LARP1: variants seen among roughly 807,000 people sequenced by gnomAD.
LARP1 encodes the protein la-related protein 1.
A neutral mutation model predicts 122.7 loss-of-function variants in LARP1; 36 were observed. That is an observed-to-expected ratio of 0.29 (90% CI 0.22 to 0.39). LARP1 has a LOEUF of 0.39. LARP1 is among the 10% of genes least tolerant of loss of function. The pLI is 1.00. For synonymous variants in LARP1, 539 were observed against 528.7 expected (o/e 1.02, Z -0.27); for missense variants, 1,040 against 1,403.6 (o/e 0.74, Z 4.14).
chr5:154,694,864 T>C (rs555422940), intron 1 of LARP1, among the ~76,000 whole-genome samples: 1 of 152,220 alleles, frequency 6.6e-6, no homozygotes, highest in East Asian at 1.9e-4. Context: ...TTTTCTGATA[T>C]TTTCAAAAGA....
intron 16 of LARP1, among the ~76,000 whole-genome samples, chr5:154,809,546 A>G (rs947760697): frequency 2.0e-5 from 3 of 152,082 alleles, no homozygotes; most frequent in Non-Finnish European, 2.9e-5. Flanking sequence ...CAGACTTTGT[A>G]TGCATGTGTA....
chr5:154,722,511 C>G (rs780584792), intron 1 of LARP1, among the ~76,000 whole-genome samples: 2 of 152,044 alleles, frequency 1.3e-5, no homozygotes, highest in African/African-American at 4.8e-5. Flanking sequence ...AGAGACCAGC[C>G]GGTAGCACAT....
In LARP1 at chr5:154,793,788, C is replaced by T. The variant is rs1341892888; in HGVS notation, c.869-12C>T. The T allele has an allele frequency of 6.2e-7, 1 of 1,614,064 alleles. No homozygotes were observed. Among genetic ancestry groups the T allele is most frequent in the Non-Finnish European group, 8.5e-7 (1 of 1,180,022 alleles). Reference sequence around the variant, plus strand: ...CACCCTCAGGCCTGACCTGGTACCCCTCTCCCCATAGGGTCTGAGTCTGCC... The same window carrying T: ...CACCCTCAGGCCTGACCTGGTACCCTTCTCCCCATAGGGTCTGAGTCTGCC... On this transcript the variant is annotated splice_polypyrimidine_tract_variant and intron_variant, in intron 5 of 18. Transcript: ENST00000518297.
chr5:154,730,391 CT>C (rs1205366521), intron 1 of LARP1, among the ~76,000 whole-genome samples: 1 of 151,384 alleles, frequency 6.6e-6, no homozygotes, highest in Non-Finnish European at 1.5e-5. Flanking sequence ...GATTAATTAA[CT>C]TTTTTTGACC....
intron 1 of LARP1, among the ~76,000 whole-genome samples, chr5:154,713,588 T>C (rs966129274): frequency 6.6e-6 from 1 of 152,144 alleles, no homozygotes; most frequent in African/African-American, 2.4e-5. Flanking sequence ...TTTTGAAATA[T>C]GAGAAATAGA....
At position 154,805,995 on chromosome 5, in the gene LARP1, A is replaced by G. The variant is rs1246795883; in HGVS notation, c.2661A>G (p.Gln887=). 2 of 1,613,976 alleles carry G rather than the reference A, an allele frequency of 1.2e-6. No individual in the cohort carries two copies. Among genetic ancestry groups the G allele is most frequent in the Non-Finnish European group, 1.7e-6 (2 of 1,180,030 alleles). The change falls in exon 15 of 19, where the codon CAA becomes CAG. Residue 887 remains glutamine (Q), a synonymous_variant. Transcript: ENST00000518297. ...HELLKENGFT[Q]HVYHKYRRRC... ...TGCTCAAGGAAAATGGCTTCACACA[A>G]CACGTCTACCATAAGTATCGTAGGC...
At chr5:154,798,757 A>G (rs1482518099) in intron 8 of LARP1, among the ~76,000 whole-genome samples, 4 of 152,132 alleles carry the variant, frequency 2.6e-5, no homozygotes, top group African/African-American at 9.7e-5. Context: ...ACCTCCCAAA[A>G]TGTTGGGATT....
chr5:154,796,188 TTA>T lies in LARP1; in HGVS notation c.1377+882_1377+883del, dbSNP rs1253711636. ...TGTATTTATATATTATATATATATTTTATATATATATATAGTTTGTGAGAATC... is the reference window on the plus strand; with the variant it reads ...TGTATTTATATATTATATATATATTTTATATATATATAGTTTGTGAGAATC... On this transcript the variant is annotated intron_variant, in intron 8 of 18. Coordinates refer to ENST00000518297, the MANE Select transcript of LARP1 (RefSeq NM_033551.3). Among the ~76,000 whole-genome samples the T allele has an allele frequency of 4.6e-4, 61 of 131,398 alleles. No individual in the cohort carries two copies. In the South Asian group the frequency reaches 6.3e-3, roughly 14 times the overall value. The allele number at this position is 131,398 out of a possible 152,430, so 86.2% of individuals were successfully genotyped here.
At chr5:154,758,495 A>T (rs991723600) in intron 1 of LARP1, among the ~76,000 whole-genome samples, 11 of 152,158 alleles carry the variant, frequency 7.2e-5, no homozygotes, top group African/African-American at 2.7e-4. Context: ...ATTTTGAGAG[A>T]GAATTCTATG....
At position 154,755,510 on chromosome 5, in the gene LARP1, C is replaced by G; in HGVS notation, c.-248C>G. 1 of 975,744 alleles carries G rather than the reference C, an allele frequency of 1.0e-6. No individual in the cohort carries two copies. The highest frequency in any genetic ancestry group is 1.2e-6 in the Non-Finnish European group (1 of 819,780). 60.4% of individuals were successfully genotyped at this position (975,744 alleles called of 1,614,324 possible). A position where few individuals can be genotyped will look rare whatever the true frequency, so the allele number is the denominator to read the frequency against. On this transcript the variant is annotated 5_prime_UTR_variant, in exon 1 of 19. Transcript: ENST00000518297. ...CGAGGAACGGGCGGGGGGGGACGCA[C>G]GCCTAGGAGGCCTGGACTGCAGAGT...
chr5:154,793,565 C>T, intron 4 of LARP1, 30 bp from the exon 5 acceptor site: 1 of 1,613,972 alleles, frequency 6.2e-7, no homozygotes, highest in Non-Finnish European at 8.5e-7. Context: ...CTCCCTCAAG[C>T]CTTTCTCATG....
At chr5:154,797,541 T>C (rs1429765352) in intron 8 of LARP1, among the ~76,000 whole-genome samples, 1 of 152,070 alleles carries the variant, frequency 6.6e-6, no homozygotes, top group Non-Finnish European at 1.5e-5. Flanking sequence ...CCTGTTCTGG[T>C]ATTTTCTATT....
upstream of LARP1, among the ~76,000 whole-genome samples, chr5:154,711,375 C>T (rs764742241): frequency 3.9e-5 from 6 of 152,070 alleles, no homozygotes; most frequent in Admixed American, 6.6e-5. Context: ...CTCCTGACCT[C>T]GTGATCCGCC....
intron 1 of LARP1, among the ~76,000 whole-genome samples, chr5:154,684,909 G>A (rs910605815): frequency 1.3e-5 from 2 of 152,170 alleles, no homozygotes; most frequent in Non-Finnish European, 2.9e-5. Context: ...CGTGGTTAGG[G>A]AGTGGGATAT....
intron 14 of LARP1, chr5:154,805,609 T>C (rs756121836): frequency 2.6e-5 from 10 of 377,734 alleles, no homozygotes; most frequent in East Asian, 1.4e-4. Context: ...AGTTTTATCA[T>C]TGGACACGTT....
At chr5:154,776,093 T>C (rs1056508706) in intron 1 of LARP1, among the ~76,000 whole-genome samples, 1 of 152,160 alleles carries the variant, frequency 6.6e-6, no homozygotes, top group Non-Finnish European at 1.5e-5. Flanking sequence ...GAGTATCCCT[T>C]GAGCCCAGGA....
chr5:154,775,741 G>T (rs558977390), intron 1 of LARP1, among the ~76,000 whole-genome samples: 1 of 152,290 alleles, frequency 6.6e-6, no homozygotes, highest in East Asian at 1.9e-4. Context: ...TTGATCTGGA[G>T]CCTTTTGGGG....
intron 1 of LARP1, among the ~76,000 whole-genome samples, chr5:154,730,322 G>A (rs1756479234): frequency 6.6e-6 from 1 of 151,638 alleles, no homozygotes; most frequent in Admixed American, 6.6e-5. Context: ...CCGAGTAGCT[G>A]CGATTACAGG....
chr5:154,733,436 C>T (rs1582233979), intron 1 of LARP1, among the ~76,000 whole-genome samples: 1 of 152,332 alleles, frequency 6.6e-6, no homozygotes, highest in East Asian at 1.9e-4. Flanking sequence ...TTTAAGTGAT[C>T]TTCCTGCCTC....
Sources: allele counts gnomAD v4.1 joint callset (sites outside exome capture counted in the v4.1 genomes callset), GRCh38; gene constraint gnomAD v4.1.1; transcripts MANE v1.5; gene names NCBI Gene and HGNC (gene_info 2026-07-23, HGNC 2026-07-21).